Variants in COL6A5 observed in about 807,000 individuals in gnomAD.
COL6A5 encodes the protein collagen alpha-5(VI) chain.
COL6A5 carries 48 observed loss-of-function variants against 65.6 expected under a neutral mutation model. That is an observed-to-expected ratio of 0.73 (90% CI 0.58 to 0.93). The LOEUF is 0.93. Ranked by LOEUF, COL6A5 falls within the 40% of genes least tolerant of loss-of-function variation. The pLI, the probability that COL6A5 is intolerant of heterozygous loss-of-function variation, is 0.00. For synonymous variants in COL6A5, 291 were observed against 322.8 expected, an observed-to-expected ratio of 0.90 and a Z score of 1.05; for missense variants, 914 against 928.3, an observed-to-expected ratio of 0.98 and a Z score of 0.20.
intron 18 of COL6A5, 76 bp from the exon 19 acceptor site, chr3:130,409,933 A>G (rs1937117645): frequency 2.0e-6 from 2 of 1,006,720 alleles, no homozygotes; most frequent in African/African-American, 1.6e-5. Context: ...TTAGCTTAGT[A>G]CTTGAACATC....
intron 5 of COL6A5, among the ~76,000 whole-genome samples, chr3:130,457,067 CT>C (rs11405403): frequency 5.9e-5 from 9 of 151,824 alleles, no homozygotes; most frequent in African/African-American, 2.2e-4. Flanking sequence ...TTAGTTAAAA[CT>C]TTTTTTATTT....
chr3:130,415,707 G>C lies in COL6A5; in HGVS notation c.4824G>C (p.Gln1608His), dbSNP rs116029600. The C allele has an allele frequency of 4.5e-6, 7 of 1,547,796 alleles. No individual in the cohort carries two copies. In the African/African-American group the frequency reaches 9.6e-5, roughly 21 times the overall value. The change falls in exon 23 of 42, where the codon CAG (glutamine) becomes CAC (histidine). Residue 1608 changes from glutamine (Q) to histidine (H), a missense_variant and splice_region_variant and NMD_transcript_variant. Physicochemically the swap from Gln to His is conservative, Grantham distance 24. Coordinates refer to the COL6A5 transcript ENST00000312481. ...GAAGCCAGGGGCAGAAAGGACCTCA[G>C]GTGAGTGACTCGGAGACATTAGGCT...
chr3:130,437,193 A>AAAAGTGCATATATGTACATATATACACT (rs1577508449), intron 1 of COL6A5, among the ~76,000 whole-genome samples: 1 of 152,128 alleles, frequency 6.6e-6, no homozygotes, highest in Non-Finnish European at 1.5e-5. Context: ...TCGTGTATAC[A>AAAAGTGCATATATGTACATATATACACT]AAAGTGCATA....
intron 5 of COL6A5, 41 bp downstream of exon 37, chr3:130,455,707 C>G (rs758766201): frequency 1.4e-6 from 2 of 1,471,996 alleles, no homozygotes; most frequent in Admixed American, 3.5e-5. Context: ...TTTAAATAGC[C>G]AGGATCCTCA....
chr3:130,435,160 C>T (rs559431900), intron 1 of COL6A5, among the ~76,000 whole-genome samples: 6 of 152,182 alleles, frequency 3.9e-5, no homozygotes, highest in East Asian at 1.9e-4. Flanking sequence ...CTGCATATGG[C>T]GAGCCAGTTT....
At chr3:130,481,565 A>G (rs995420241) in intron 7 of COL6A5, among the ~76,000 whole-genome samples, 4 of 152,138 alleles carry the variant, frequency 2.6e-5, no homozygotes, top group Non-Finnish European at 4.4e-5. Flanking sequence ...ATACTCAGTA[A>G]TGGGATGGCT....
chr3:130,368,432 G>A (rs1294912466), intron 1 of COL6A5, among the ~76,000 whole-genome samples: 2 of 152,264 alleles, frequency 1.3e-5, no homozygotes, highest in South Asian at 2.1e-4. Flanking sequence ...TCTAAAGCAG[G>A]CACTGACCTA....
intron 1 of COL6A5, among the ~76,000 whole-genome samples, chr3:130,432,547 CAA>C (rs112983846): frequency 2.2e-3 from 279 of 129,154 alleles, no homozygotes; most frequent in Non-Finnish European, 2.3e-3. Flanking sequence ...AAGACTCTGT[CAA>C]AAAAAAAAAA....
chr3:130,411,407 A>AT (rs1235724151), intron 20 of COL6A5, among the ~76,000 whole-genome samples: 2 of 152,172 alleles, frequency 1.3e-5, no homozygotes, highest in South Asian at 2.1e-4. Context: ...GAATCTTATT[A>AT]TTTTGAAGGC....
intron 7 of COL6A5, among the ~76,000 whole-genome samples, chr3:130,480,611 A>G (rs369941780): frequency 3.9e-5 from 6 of 152,260 alleles, no homozygotes; most frequent in East Asian, 1.9e-4. Context: ...TTATTTTTAA[A>G]TGTCAGTTTT....
At chr3:130,419,111 C>T (rs1937451184) in intron 25 of COL6A5, among the ~76,000 whole-genome samples, 180 bp downstream of exon 25, 1 of 151,950 alleles carries the variant, frequency 6.6e-6, no homozygotes, top group Non-Finnish European at 1.5e-5. Context: ...AGTCTGTCAA[C>T]GTGAAGGAGA....
chr3:130,404,692 C>G (rs1251750731), intron 13 of COL6A5, among the ~76,000 whole-genome samples: 1 of 152,196 alleles, frequency 6.6e-6, no homozygotes, highest in Non-Finnish European at 1.5e-5. Flanking sequence ...TAAGGTACCT[C>G]TCAGCAACCT....
chr3:130,453,313 C>G lies in COL6A5; in HGVS notation c.1333-2142C>G, dbSNP rs138599762. ...ATTATAAAAGTATTAATTTGGGGAA[C>G]TAATAAATGTCCATAAAATCTTCAC... On this transcript the variant is annotated intron_variant, in intron 4 of 7. Coordinates refer to ENST00000512836, the Ensembl canonical transcript of COL6A5. 4.6e-3 allele frequency among the ~76,000 whole-genome samples: 704 copies of G among 152,264 alleles called. 12 individuals are homozygous for G. The highest frequency in any genetic ancestry group is 0.016 in the African/African-American group (645 of 41,574).
intron 1 of COL6A5, among the ~76,000 whole-genome samples, chr3:130,434,827 T>A (rs929414111): frequency 6.6e-6 from 1 of 152,206 alleles, no homozygotes; most frequent in African/African-American, 2.4e-5. Context: ...TCCTTGTAAA[T>A]TCTGGATATT....
intron 1 of COL6A5, among the ~76,000 whole-genome samples, chr3:130,354,644 A>T (rs1368679707): frequency 6.6e-6 from 1 of 152,178 alleles, no homozygotes; most frequent in Non-Finnish European, 1.5e-5. Context: ...TAAAAGAGTC[A>T]CTTCCTAGAA....
intron 4 of COL6A5, among the ~76,000 whole-genome samples, chr3:130,454,509 G>A (rs1337583540): frequency 6.6e-6 from 1 of 152,146 alleles, no homozygotes; most frequent in African/African-American, 2.4e-5. Flanking sequence ...ATTACTGGAT[G>A]CCAAACATCA....
chr3:130,382,421 A>T lies in COL6A5; in HGVS notation c.1300+2371A>T, dbSNP rs142000401. ...CAAAGCACTAGCAGCCAGTTTGCAT[A>T]AAAATGGTAAGAAATTTGAGAAAAT... On this transcript the variant is annotated intron_variant and NMD_transcript_variant, in intron 4 of 41. Transcript: ENST00000312481. 3.7e-3 allele frequency among the ~76,000 whole-genome samples: 559 copies of T among 152,252 alleles called. 4 individuals carry two copies. The highest frequency in any genetic ancestry group is 0.013 in the African/African-American group (527 of 41,574).
At chr3:130,385,581 A>G (rs1040719875) in intron 5 of COL6A5, among the ~76,000 whole-genome samples, 1 of 152,062 alleles carries the variant, frequency 6.6e-6, no homozygotes, top group African/African-American at 2.4e-5. Context: ...CCATCTTGGA[A>G]GTCATAAGTG....
chr3:130,352,073 C>T (rs371650532), intron 1 of COL6A5, among the ~76,000 whole-genome samples: 10 of 152,076 alleles, frequency 6.6e-5, no homozygotes, highest in South Asian at 4.1e-4. Context: ...AACCAAACAC[C>T]GCACGTTCTC....
Sources: gnomAD v4.1 joint callset for allele counts (sites outside exome capture counted in the v4.1 genomes callset) on GRCh38, gnomAD v4.1.1 for gene constraint, MANE v1.5 for transcripts, NCBI Gene and HGNC (gene_info 2026-07-23, HGNC 2026-07-21) for gene names.